Variants in PLCH1 observed in about 807,000 individuals in gnomAD.
PLCH1 encodes the protein 1-phosphatidylinositol 4,5-bisphosphate phosphodiesterase eta-1.
PLCH1 carries 60 observed loss-of-function variants against 126.7 expected under a neutral mutation model. The observed-to-expected ratio is 0.47, with a 90% confidence interval of 0.38 to 0.59. PLCH1 has a LOEUF of 0.59. Ranked by LOEUF, PLCH1 falls within the 20% of genes least tolerant of loss-of-function variation. The pLI is 0.00. For missense variants in PLCH1, 1,723 were observed against 2,040.0 expected, an observed-to-expected ratio of 0.84 and a Z score of 2.99; for synonymous variants, 719 against 734.9, an observed-to-expected ratio of 0.98 and a Z score of 0.35.
At position 155,727,684 on chromosome 3, in the gene PLCH1, G is replaced by A. The variant is rs114372913; in HGVS notation, c.-41+17156C>T. The stretch of plus-strand genomic sequence containing the variant: ...ATCACAGGTGTGAGCCACCGAGCCC[G>A]GCCCAATGTATGAAATCTTTAAACC... On this transcript the variant is annotated intron_variant, in intron 1 of 22. Transcript: ENST00000460012. Among the ~76,000 whole-genome samples the A allele has an allele frequency of 7.2e-3, 1,090 of 152,064 alleles. 15 individuals carry two copies. Among genetic ancestry groups the A allele is most frequent in the African/African-American group, 0.025 (1,045 of 41,462 alleles).
chr3:155,714,388 A>T (rs1184350944), intron 1 of PLCH1, among the ~76,000 whole-genome samples: 1 of 151,856 alleles, frequency 6.6e-6, no homozygotes. Flanking sequence ...CTCCCATGTC[A>T]CCCGCCACCC....
chr3:155,612,013 A>G (rs1275437595), intron 2 of PLCH1, among the ~76,000 whole-genome samples: 1 of 152,184 alleles, frequency 6.6e-6, no homozygotes, highest in Non-Finnish European at 1.5e-5. Context: ...ATACAGTAAA[A>G]GCAGTGTTAA....
intron 2 of PLCH1, among the ~76,000 whole-genome samples, chr3:155,650,131 A>T (rs1203894434): frequency 1.3e-5 from 2 of 152,186 alleles, no homozygotes. Flanking sequence ...CATGAAACTA[A>T]TAAAAATGTG....
intron 6 of PLCH1, among the ~76,000 whole-genome samples, chr3:155,578,081 T>C (rs1232060821): frequency 6.6e-6 from 1 of 152,198 alleles, no homozygotes; most frequent in Non-Finnish European, 1.5e-5. Flanking sequence ...TTTGGACTCC[T>C]GGTCTAATGT....
intron 6 of PLCH1, among the ~76,000 whole-genome samples, chr3:155,569,276 C>A (rs1728908425): frequency 6.6e-6 from 1 of 152,108 alleles, no homozygotes; most frequent in Non-Finnish European, 1.5e-5. Flanking sequence ...ATAGAGGAAG[C>A]TAATTTTGTG....
intron 10 of PLCH1, among the ~76,000 whole-genome samples, chr3:155,547,537 T>TG (rs1190094301): frequency 6.6e-6 from 1 of 151,532 alleles, no homozygotes; most frequent in Non-Finnish European, 1.5e-5. Flanking sequence ...ATCCCATTAC[T>TG]GGGTATATAC....
intron 1 of PLCH1, among the ~76,000 whole-genome samples, chr3:155,744,588 GAC>G (rs989510533): frequency 6.6e-6 from 1 of 152,078 alleles, no homozygotes; most frequent in African/African-American, 2.4e-5. Context: ...TTATTTCGCG[GAC>G]ACACACACCC....
chr3:155,714,964 A>G (rs1747401439), intron 1 of PLCH1, among the ~76,000 whole-genome samples: 1 of 152,190 alleles, frequency 6.6e-6, no homozygotes, highest in Non-Finnish European at 1.5e-5. Flanking sequence ...TTGAGCCTGA[A>G]CTTTCCTTTA....
chr3:155,600,591 C>T lies in PLCH1; in HGVS notation c.80-4213G>A, dbSNP rs141325982. Among the ~76,000 whole-genome samples the T allele has an allele frequency of 3.3e-3, 451 of 136,706 alleles. 2 individuals carry two copies. The highest frequency in any genetic ancestry group is 0.022 in the South Asian group (93 of 4,264). 89.7% of individuals were successfully genotyped at this position (136,706 alleles called of 152,430 possible). A position where few individuals can be genotyped will look rare whatever the true frequency, so the allele number is the denominator to read the frequency against. On this transcript the variant is annotated intron_variant, in intron 2 of 22. Coordinates refer to ENST00000460012, the MANE Select transcript of PLCH1 (RefSeq NM_014996.4). ...ATTCTACATTCTCCTTTATGGTACG[C>T]TTAAGATAGCTAAAAAAAAAAAAAA...
rs760290381 is a variant in PLCH1, at chr3:155,494,337, C to A, written c.2074+1G>T. 2 of 1,613,928 alleles carry A rather than the reference C, an allele frequency of 1.2e-6. No homozygotes were observed. Among genetic ancestry groups the A allele is most frequent in the Non-Finnish European group, 8.5e-7 (1 of 1,179,952 alleles). On this transcript the variant is annotated splice_donor_variant, in intron 16 of 22. Transcript: ENST00000460012. LOFTEE classifies it high-confidence loss of function. ...ACCACTCCTTCCCAAGGAATACACACCTAGCTGGCAGCCTGCGTTCCAGTA... is the reference window on the plus strand; with the variant it reads ...ACCACTCCTTCCCAAGGAATACACAACTAGCTGGCAGCCTGCGTTCCAGTA...
At chr3:155,724,647 G>C (rs1302875775) in intron 1 of PLCH1, among the ~76,000 whole-genome samples, 1 of 152,118 alleles carries the variant, frequency 6.6e-6, no homozygotes, top group Non-Finnish European at 1.5e-5. Context: ...TGTGTTAGGT[G>C]AGTCTCTTGA....
intron 2 of PLCH1, among the ~76,000 whole-genome samples, chr3:155,608,567 G>T (rs550591245): frequency 1.4e-4 from 21 of 152,176 alleles, no homozygotes; most frequent in African/African-American, 5.1e-4. Flanking sequence ...TAGCTTCATG[G>T]AAGCTGTGTG....
At chr3:155,724,619 A>T (rs1748177914) in intron 1 of PLCH1, among the ~76,000 whole-genome samples, 1 of 151,840 alleles carries the variant, frequency 6.6e-6, no homozygotes, top group African/African-American at 2.4e-5. Context: ...CTTTACCTTA[A>T]GTTTATGTGA....
intron 2 of PLCH1, among the ~76,000 whole-genome samples, chr3:155,648,732 A>G (rs1203437593): frequency 6.6e-6 from 1 of 152,218 alleles, no homozygotes; most frequent in African/African-American, 2.4e-5. Context: ...CCTAAGTACC[A>G]TGGTAAGGCA....
At chr3:155,701,214 T>C (rs1306658191) in intron 2 of PLCH1, among the ~76,000 whole-genome samples, 1 of 152,192 alleles carries the variant, frequency 6.6e-6, no homozygotes, top group African/African-American at 2.4e-5. Context: ...AACAGTAGGT[T>C]TAACAGTCTC....
chr3:155,526,926 G>C (rs913495641), intron 10 of PLCH1, among the ~76,000 whole-genome samples: 1 of 152,216 alleles, frequency 6.6e-6, no homozygotes, highest in African/African-American at 2.4e-5. Flanking sequence ...TAAGCACAGA[G>C]ATAGTGGCTT....
At chr3:155,653,118 GATAGATATAGAT>G (rs11275678) in intron 2 of PLCH1, among the ~76,000 whole-genome samples, 18,668 of 137,886 alleles carry the variant, frequency 0.14, 1,389 homozygotes, top group Middle Eastern at 0.19. Context: ...TATAGATGTA[GATAGATATAGAT>G]ATAGATATAG....
chr3:155,547,689 A>T (rs1319531487), intron 10 of PLCH1, among the ~76,000 whole-genome samples: 1 of 152,104 alleles, frequency 6.6e-6, no homozygotes, highest in African/African-American at 2.4e-5. Flanking sequence ...GCACATATAC[A>T]ACATAGAATA....
intron 10 of PLCH1, among the ~76,000 whole-genome samples, chr3:155,547,227 A>G (rs575653016): frequency 0.019 from 2,787 of 149,788 alleles, 89 homozygotes; most frequent in African/African-American, 0.066. Flanking sequence ...AAAGTGGGTG[A>G]AGGACATGAA....
Sources: gnomAD v4.1 joint callset for allele counts (sites outside exome capture counted in the v4.1 genomes callset) on GRCh38, gnomAD v4.1.1 for gene constraint, MANE v1.5 for transcripts, NCBI Gene and HGNC (gene_info 2026-07-23, HGNC 2026-07-21) for gene names.